The following LRRC37A2 variants were observed in gnomAD, a reference collection of about 807,000 sequenced individuals.
LRRC37A2 encodes the protein leucine rich repeat containing 37 member A2.
In LRRC37A2, 9 loss-of-function variants were observed where a neutral mutation model predicts 68.8. The ratio of observed to expected loss-of-function variants is 0.13; its 90% CI spans 0.08 to 0.23. LRRC37A2 has a LOEUF of 0.23. Among genes scored for constraint, LRRC37A2 ranks in the 10% least tolerant of loss-of-function variants. The probability of loss-of-function intolerance (pLI) is 1.00; values close to 1 mark genes in which losing one functional copy is unlikely to be tolerated. For synonymous variants in LRRC37A2, 63 were observed against 367.6 expected (o/e 0.17, Z 9.48); for missense variants, 168 against 950.4 (o/e 0.18, Z 10.82).
chr17:46,852,232 G>A, the LRRC37A2 span, among the ~76,000 whole-genome samples: 3 of 152,184 alleles, frequency 2.0e-5, no homozygotes, highest in African/African-American at 7.2e-5. Flanking sequence ...TCGGGGCAGA[G>A]GATCGTGCGC....
At chr17:46,770,999 A>C in the LRRC37A2 span, among the ~76,000 whole-genome samples, 6 of 152,180 alleles carry the variant, frequency 3.9e-5, no homozygotes, top group Non-Finnish European at 8.8e-5. Context: ...GGGCCGGCCT[A>C]GTCGGCAAAA....
the LRRC37A2 span, chr17:46,978,089 A>C: frequency 6.5e-6 from 1 of 153,954 alleles, no homozygotes; most frequent in African/African-American, 2.4e-5. Context: ...CACGGGGCTC[A>C]AAGTGTCCGC....
the LRRC37A2 span, chr17:46,932,909 A>G: frequency 6.6e-6 from 1 of 152,374 alleles, no homozygotes; most frequent in Non-Finnish European, 1.5e-5. Flanking sequence ...TTATTTTCTA[A>G]AGAGATGTTA....
the LRRC37A2 span, among the ~76,000 whole-genome samples, chr17:47,026,735 A>G: frequency 6.6e-6 from 1 of 152,248 alleles, no homozygotes; most frequent in Non-Finnish European, 1.5e-5. Context: ...AATTTCTATT[A>G]ATATGATAGA....
chr17:46,797,400 G>C, the LRRC37A2 span, among the ~76,000 whole-genome samples: 1 of 152,212 alleles, frequency 6.6e-6, no homozygotes, highest in African/African-American at 2.4e-5. Context: ...GGGCCAAGTG[G>C]AGGAGGGAAA....
the LRRC37A2 span, chr17:46,872,459 T>C: frequency 7.0e-7 from 1 of 1,434,800 alleles, no homozygotes; most frequent in Non-Finnish European, 9.2e-7. Context: ...CTTCCCTTCA[T>C]TTGCCCCTCA....
At chr17:46,707,264 A>AT in the LRRC37A2 span, among the ~76,000 whole-genome samples, 3 of 152,198 alleles carry the variant, frequency 2.0e-5, no homozygotes, top group African/African-American at 7.2e-5. Flanking sequence ...AATTGACCAT[A>AT]TGCATGTATT....
the LRRC37A2 span, among the ~76,000 whole-genome samples, chr17:46,926,667 G>C: frequency 6.6e-6 from 1 of 152,212 alleles, no homozygotes; most frequent in Admixed American, 6.5e-5. Context: ...GTTTGAGACA[G>C]ATTTTGCACT....
At chr17:46,934,891 T>C in the LRRC37A2 span, 1 of 760,890 alleles carries the variant, frequency 1.3e-6, no homozygotes, top group Non-Finnish European at 2.3e-6. Context: ...TTGCTTTTTC[T>C]TATCCATTAG....
At chr17:46,942,691 T>C in the LRRC37A2 span, among the ~76,000 whole-genome samples, 1 of 152,246 alleles carries the variant, frequency 6.6e-6, no homozygotes, top group African/African-American at 2.4e-5. Context: ...AAAGCTGTCC[T>C]CAGGCCTTGC....
the LRRC37A2 span, chr17:47,017,649 G>T: frequency 0.41 from 551,454 of 1,335,930 alleles, 93,545 homozygotes; most frequent in South Asian, 0.46. Context: ...GCTGAAGAAA[G>T]ATCCAGCTCA....
chr17:46,472,625 C>T, the LRRC37A2 span, among the ~76,000 whole-genome samples: 3 of 12,494 alleles, frequency 2.4e-4, no homozygotes, highest in South Asian at 8.3e-3. Context: ...ATCATATCAT[C>T]GGCCAGGCGC....
the LRRC37A2 span, among the ~76,000 whole-genome samples, chr17:46,992,853 CAAAAAAAAAAAA>C: frequency 1.5e-5 from 1 of 65,166 alleles, no homozygotes; most frequent in Non-Finnish European, 2.6e-5. Flanking sequence ...AACTCCATCT[CAAAAAAAAAAAA>C]AAAAAAAAAA....
the LRRC37A2 span, among the ~76,000 whole-genome samples, chr17:46,868,691 G>C: frequency 7.2e-5 from 11 of 152,178 alleles, no homozygotes; most frequent in Admixed American, 3.3e-4. Context: ...TTCTCCAGTT[G>C]TCCATCTTAC....
the LRRC37A2 span, among the ~76,000 whole-genome samples, chr17:46,502,793 C>G: frequency 4.0e-4 from 60 of 151,242 alleles, 5 homozygotes; most frequent in African/African-American, 1.4e-3. Flanking sequence ...CAATGTTATC[C>G]AAGGTGACAA....
chr17:47,024,369 TG>T, the LRRC37A2 span, among the ~76,000 whole-genome samples: 2 of 152,198 alleles, frequency 1.3e-5, no homozygotes, highest in Non-Finnish European at 2.9e-5. Flanking sequence ...GAGGTTCTGC[TG>T]ATCTTGGTGC....
At chr17:46,802,816 G>A in the LRRC37A2 span, among the ~76,000 whole-genome samples, 94 of 152,224 alleles carry the variant, frequency 6.2e-4, no homozygotes, top group African/African-American at 1.7e-4. Context: ...CCCATACCTC[G>A]CCCTATGCAC....
At chr17:46,493,066 T>C in the LRRC37A2 span, among the ~76,000 whole-genome samples, 1 of 147,310 alleles carries the variant, frequency 6.8e-6, no homozygotes, top group African/African-American at 2.6e-5. Flanking sequence ...TTTAATTTCC[T>C]TGTCCCTAAT....
At chr17:46,490,145 T>C in the LRRC37A2 span, among the ~76,000 whole-genome samples, 1 of 151,296 alleles carries the variant, frequency 6.6e-6, no homozygotes. Flanking sequence ...AAACTTGTTC[T>C]TAGGGCACCA....
Sources: allele counts gnomAD v4.1 joint callset (sites outside exome capture counted in the v4.1 genomes callset), GRCh38; gene constraint gnomAD v4.1.1; transcripts MANE v1.5; gene names NCBI Gene and HGNC (gene_info 2026-07-23, HGNC 2026-07-21).